The following PCP2 variants were observed in gnomAD, a reference collection of about 807,000 sequenced individuals.
PCP2 encodes the protein Purkinje cell protein 2 homolog.
PCP2 carries 21 observed loss-of-function variants against 18.3 expected under a neutral mutation model. The ratio of observed to expected loss-of-function variants is 1.14; its 90% CI spans 0.81 to 1.65. PCP2 has a LOEUF of 1.65. PCP2 is among the 40% of genes most tolerant of loss of function. The probability of loss-of-function intolerance (pLI) is 0.00; values close to 1 mark genes in which losing one functional copy is unlikely to be tolerated. For synonymous variants in PCP2, 85 were observed against 77.6 expected, an observed-to-expected ratio of 1.10 and a Z score of -0.50; for missense variants, 202 against 201.8, an observed-to-expected ratio of 1.00 and a Z score of 0.00.
At chr19:7,633,231 T>C (rs926281576) in intron 1 of PCP2, among the ~76,000 whole-genome samples, 176 bp downstream of exon 1, 9 of 152,184 alleles carry the variant, frequency 5.9e-5, no homozygotes, top group Non-Finnish European at 1.3e-4. Context: ...CCCTGCCCTC[T>C]GCCCTGGGGC....
At chr19:7,633,295 CAG>C (rs1491132309) in intron 1 of PCP2, 110 bp downstream of exon 1, 6 of 1,116,352 alleles carry the variant, frequency 5.4e-6, no homozygotes, top group African/African-American at 1.5e-5. Flanking sequence ...ACAACTGGGT[CAG>C]GGGGTCCTAG....
chr19:7,633,083 C>CA, intron 1 of PCP2: 9 of 1,241,058 alleles, frequency 7.3e-6, no homozygotes, highest in Non-Finnish European at 9.8e-6. Flanking sequence ...AAGGGACAGG[C>CA]TCCGATGCGT....
upstream of PCP2, among the ~76,000 whole-genome samples, chr19:7,634,518 A>T (rs1295513069): frequency 7.9e-5 from 12 of 152,162 alleles, no homozygotes; most frequent in Non-Finnish European, 1.8e-4. Flanking sequence ...ATGGCTTAAA[A>T]CACATAAGTT....
At position 7,631,753 on chromosome 19, in the gene PCP2, TGA is replaced by T; in HGVS notation, c.345_346del (p.Gln116GlyfsTer24). On this transcript the variant is annotated frameshift_variant, in exon 4 of 4. Coordinates refer to ENST00000311069, the MANE Select transcript of PCP2 (RefSeq NM_174895.3). LOFTEE classifies it high-confidence loss of function. ...ACGGAAGCCGAGAGCGGTCGGGTCCTGAGGGGTGAGCAGGGGTTGGGGACTGA... is the reference window on the plus strand; with the variant it reads ...ACGGAAGCCGAGAGCGGTCGGGTCCTGGGGTGAGCAGGGGTTGGGGACTGA... 1 of 1,437,780 alleles carries T rather than the reference TGA, an allele frequency of 7.0e-7. No homozygotes were observed. The allele number at this position is 1,437,780 out of a possible 1,614,324, so 89.1% of individuals were successfully genotyped here.
In PCP2 at chr19:7,633,658, C is replaced by T; in HGVS notation, c.-201G>A. The T allele has an allele frequency of 1.7e-6, 1 of 590,170 alleles. No individual in the cohort carries two copies. The highest frequency in any genetic ancestry group is 3.0e-6 in the Non-Finnish European group (1 of 336,992). The allele number at this position is 590,170 out of a possible 1,614,324, so 36.6% of individuals were successfully genotyped here. ...TTGCCCACAACGATGCTGGATCTGG[C>T]ATGGTGGGTAGGGGGCAGGGCGACC... On this transcript the variant is annotated 5_prime_UTR_variant, in exon 1 of 4. The change abolishes an upstream ATG in the 5' untranslated region. Coordinates refer to ENST00000311069, the MANE Select transcript of PCP2 (RefSeq NM_174895.3).
Position 7,632,076 on chromosome 19 carries a change from T to G in PCP2, c.292-268A>C. 1 of 552,684 alleles carries G rather than the reference T, an allele frequency of 1.8e-6. No homozygotes were observed. The highest frequency in any genetic ancestry group is 3.2e-6 in the Non-Finnish European group (1 of 314,080). 34.2% of individuals were successfully genotyped at this position (552,684 alleles called of 1,614,324 possible). The stretch of plus-strand genomic sequence containing the variant: ...TGAGTATACAGATGTATATATCCTA[T>G]GTGTGAGCTTACGTGACTTCCTCCC... On this transcript the variant is annotated intron_variant, in intron 3 of 3. Transcript: ENST00000311069. The surrounding 1 kb of genome is among the most constrained non-coding windows in gnomAD (Gnocchi z 5.2).
At chr19:7,634,390 T>G (rs143913051), upstream of PCP2, among the ~76,000 whole-genome samples, 840 of 152,282 alleles carry the variant, frequency 5.5e-3, 5 homozygotes, top group African/African-American at 0.019. Flanking sequence ...TGCCCGAGCC[T>G]CCTCTGTTCC....
Position 7,631,739 on chromosome 19 carries a change from G to GC in PCP2, c.360_361insG (p.Leu121AlafsTer20). 2.8e-6 allele frequency: 4 copies of GC among 1,448,012 alleles called. No individual in the cohort carries two copies. Among genetic ancestry groups the GC allele is most frequent in the Non-Finnish European group, 3.6e-6 (4 of 1,098,226 alleles). 89.7% of individuals were successfully genotyped at this position (1,448,012 alleles called of 1,614,324 possible). A position where few individuals can be genotyped will look rare whatever the true frequency, so the allele number is the denominator to read the frequency against. On this transcript the variant is annotated frameshift_variant, in exon 4 of 4. Transcript: ENST00000311069. LOFTEE classifies it high-confidence loss of function. ...GGGCTGCTGTTCCGACGGAAGCCGA[G>GC]AGCGGTCGGGTCCTGAGGGGTGAGC...
At chr19:7,633,037 C>T (rs2146197304) in intron 1 of PCP2, 1 of 1,425,006 alleles carries the variant, frequency 7.0e-7, no homozygotes. Context: ...CCCCAGGGGC[C>T]CTGGCCAGCA....
chr19:7,636,888 G>A (rs988714759), upstream of PCP2: 3 of 385,536 alleles, frequency 7.8e-6, no homozygotes, highest in Non-Finnish European at 1.4e-5. Flanking sequence ...CAGGAAGTGT[G>A]TGTCTGAACT....
At position 7,633,539 on chromosome 19, in the gene PCP2, G is replaced by C; in HGVS notation, c.-82C>G. 5.0e-6 allele frequency: 7 copies of C among 1,404,922 alleles called. No homozygotes were observed. Among genetic ancestry groups the C allele is most frequent in the Non-Finnish European group, 5.9e-6 (6 of 1,017,528 alleles). 87.0% of individuals were successfully genotyped at this position (1,404,922 alleles called of 1,614,324 possible). ...GGGCCTTTTAAACGTCCAGGACGTG[G>C]GGGTGTGGATTCCCCCCATCCCCAA... is the stretch of plus-strand genomic sequence containing the variant. On this transcript the variant is annotated 5_prime_UTR_variant, in exon 1 of 4. Transcript: ENST00000311069.
At chr19:7,634,438 A>G (rs1568460252), upstream of PCP2, among the ~76,000 whole-genome samples, 1 of 152,230 alleles carries the variant, frequency 6.6e-6, no homozygotes, top group Non-Finnish European at 1.5e-5. Context: ...CTCTATGCCA[A>G]TGAAGTGTCC....
rs539231562 is a variant in PCP2, at chr19:7,632,107, T to C, written c.291+286A>G. On this transcript the variant is annotated intron_variant, in intron 3 of 3. Coordinates refer to ENST00000311069, the MANE Select transcript of PCP2 (RefSeq NM_174895.3). The surrounding 1 kb of genome is among the most constrained non-coding windows in gnomAD (Gnocchi z 5.2). The stretch of plus-strand genomic sequence containing the variant: ...AGCTTACGTGACTTCCTCCCTGGGA[T>C]ACTTTCCTAGGAAGGGGTCCTATTT... The C allele has an allele frequency of 3.8e-4, 215 of 565,940 alleles. No homozygotes were observed. Among genetic ancestry groups the C allele is most frequent in the Non-Finnish European group, 5.9e-4 (190 of 324,100 alleles). The allele number at this position is 565,940 out of a possible 1,614,324, so 35.1% of individuals were successfully genotyped here. A position where few individuals can be genotyped will look rare whatever the true frequency, so the allele number is the denominator to read the frequency against.
Position 7,632,818 on chromosome 19 carries a change from C to G in PCP2, c.64G>C (p.Asp22His). The G allele has an allele frequency of 6.4e-7, 1 of 1,553,022 alleles. No individual in the cohort carries two copies. Among genetic ancestry groups the G allele is most frequent in the East Asian group, 2.4e-5 (1 of 41,412 alleles). The change falls in exon 2 of 4, where the codon GAC becomes CAC. Residue 22 changes from aspartate to histidine, a missense_variant. Transcript: ENST00000311069. The surrounding 1 kb of genome is among the most constrained non-coding windows in gnomAD (Gnocchi z 5.2). ...SGPCAEAGSPDQEGFFNLLSH... is the reference protein window; with the variant it reads ...SGPCAEAGSPHQEGFFNLLSH... ...AGCAGATTGAAGAAGCCCTCCTGGT[C>G]TGGGGAGCCCGCCTGGGGACAGACT...
chr19:7,633,543 T>C lies in PCP2; in HGVS notation c.-86A>G. 1 of 1,328,042 alleles carries C rather than the reference T, an allele frequency of 7.5e-7. No homozygotes were observed. The highest frequency in any genetic ancestry group is 1.1e-6 in the Non-Finnish European group (1 of 949,020). The allele number at this position is 1,328,042 out of a possible 1,614,324, so 82.3% of individuals were successfully genotyped here. A position where few individuals can be genotyped will look rare whatever the true frequency, so the allele number is the denominator to read the frequency against. On this transcript the variant is annotated 5_prime_UTR_variant, in exon 1 of 4. Coordinates refer to ENST00000311069, the MANE Select transcript of PCP2 (RefSeq NM_174895.3). ...CTTTTAAACGTCCAGGACGTGGGGG[T>C]GTGGATTCCCCCCATCCCCAAATCC...
At position 7,632,790 on chromosome 19, in the gene PCP2, C is replaced by T; in HGVS notation, c.92G>A (p.Ser31Asn). Residue 31 changes from serine to asparagine, a missense_variant, in exon 2 of 4, where the codon AGC (serine) becomes AAC (asparagine). By Grantham distance (46) the Ser-to-Asn change is conservative (BLOSUM62 1). Transcript: ENST00000311069. This position sits in a 1 kb window ranked among gnomAD's most constrained non-coding sequence, Gnocchi z 5.2. ...PDQEGFFNLL[S>N]HVQGDRMEGQ... ...CTCCATCCGGTCGCCCTGCACGTGGCTCAGCAGATTGAAGAAGCCCTCCTG... is the reference window on the plus strand; with the variant it reads ...CTCCATCCGGTCGCCCTGCACGTGGTTCAGCAGATTGAAGAAGCCCTCCTG... The T allele has an allele frequency of 3.8e-6, 6 of 1,563,840 alleles. No homozygotes were observed. The highest frequency in any genetic ancestry group is 5.2e-6 in the Non-Finnish European group (6 of 1,157,418).
chr19:7,634,536 G>A (rs4804218), upstream of PCP2, among the ~76,000 whole-genome samples: 44,353 of 152,102 alleles, frequency 0.29, 7,151 homozygotes, highest in Non-Finnish European at 0.37. Context: ...GTTGACTTTT[G>A]TTATATATTT....
rs1469305250 is a variant in PCP2 at position 7,632,704 on chromosome 19, G to C, written c.166+12C>G. The C allele has an allele frequency of 6.4e-7, 1 of 1,553,266 alleles. No homozygotes were observed. ...CACGCCCCATGGACAGCACCCCCGT[G>C]CCCATGCTCACGGCTCTTGGTGGTC... On this transcript the variant is annotated intron_variant, in intron 2 of 3. Transcript: ENST00000311069. This position sits in a 1 kb window ranked among gnomAD's most constrained non-coding sequence, Gnocchi z 5.2.
Position 7,633,681 on chromosome 19 carries a change from AC to A in PCP2, c.-225del. On this transcript the variant is annotated 5_prime_UTR_variant, in exon 1 of 4. Transcript: ENST00000311069. ...GGCATGGTGGGTAGGGGGCAGGGCG[AC>A]CTGAGCTTGGACCTCGCTGTGCCCA... is the stretch of plus-strand genomic sequence containing the variant. 1.7e-6 allele frequency: 1 copy of A among 582,584 alleles called. No individual in the cohort carries two copies. Among genetic ancestry groups the A allele is most frequent in the African/African-American group, 1.9e-5 (1 of 53,116 alleles). 36.1% of individuals were successfully genotyped at this position (582,584 alleles called of 1,614,324 possible).
Sources: allele counts gnomAD v4.1 joint callset (sites outside exome capture counted in the v4.1 genomes callset), GRCh38; gene constraint gnomAD v4.1.1; non-coding constraint Gnocchi (gnomAD v3.1); transcripts MANE v1.5; gene names NCBI Gene and HGNC (gene_info 2026-07-23, HGNC 2026-07-21).